ANO10: variants seen among roughly 807,000 people sequenced by gnomAD.
The protein encoded by ANO10 is anoctamin 10.
In ANO10, 77 loss-of-function variants were observed where a neutral mutation model predicts 74.7. That is an observed-to-expected ratio of 1.03 (90% CI 0.86 to 1.25). The LOEUF (loss-of-function observed/expected upper bound fraction) is 1.25, where lower values mean the gene tolerates loss of function less well. ANO10 is among the 50% of genes most tolerant of loss of function. ANO10 has a pLI of 0.00. For missense variants in ANO10, 721 were observed against 778.1 expected (o/e 0.93, Z 0.87); for synonymous variants, 279 against 284.9 (o/e 0.98, Z 0.21).
chr3:43,661,811 G>A (rs1196681644), intron 1 of ANO10, among the ~76,000 whole-genome samples: 1 of 152,174 alleles, frequency 6.6e-6, no homozygotes, highest in Non-Finnish European at 1.5e-5. Context: ...GACAAAGAAG[G>A]CCATTACATA....
At chr3:43,667,540 G>C (rs557850504) in intron 1 of ANO10, among the ~76,000 whole-genome samples, 15 of 152,162 alleles carry the variant, frequency 9.9e-5, no homozygotes, top group African/African-American at 3.4e-4. Flanking sequence ...CTCGCCACCT[G>C]AGCAGTATAC....
chr3:43,483,039 A>G (rs1487516797), intron 11 of ANO10, among the ~76,000 whole-genome samples: 1 of 152,188 alleles, frequency 6.6e-6, no homozygotes, highest in African/African-American at 2.4e-5. Flanking sequence ...AAAAGATTCA[A>G]TTTTTGGTCA....
In ANO10 at chr3:43,531,921, C is replaced by T. The variant is rs934225714; in HGVS notation, c.1797+17799G>A. On this transcript the variant is annotated intron_variant, in intron 11 of 12. Transcript: ENST00000292246. ...GTCTCAAAAAAAAAAAAACAAAACCCATAGTCATGAAAGAGCCAAGAGCAT... is the reference window on the plus strand; with the variant it reads ...GTCTCAAAAAAAAAAAAACAAAACCTATAGTCATGAAAGAGCCAAGAGCAT... 3.9e-5 allele frequency among the ~76,000 whole-genome samples: 6 copies of T among 151,934 alleles called. No individual in the cohort carries two copies. In the South Asian group the frequency reaches 1.2e-3, roughly 32 times the overall value.
intron 11 of ANO10, among the ~76,000 whole-genome samples, chr3:43,435,260 G>A (rs755676601): frequency 1.3e-5 from 2 of 152,186 alleles, no homozygotes; most frequent in South Asian, 2.1e-4. Context: ...TGTAATCCCA[G>A]CACTTTGAGA....
intron 1 of ANO10, among the ~76,000 whole-genome samples, chr3:43,649,243 G>C (rs1180981957): frequency 2.0e-5 from 3 of 152,160 alleles, no homozygotes; most frequent in Non-Finnish European, 2.9e-5. Context: ...CTTTACATTT[G>C]ACTTTACTCT....
intron 7 of ANO10, among the ~76,000 whole-genome samples, chr3:43,567,763 A>C (rs1053934776): frequency 1.3e-5 from 2 of 152,256 alleles, no homozygotes; most frequent in Admixed American, 6.5e-5. Flanking sequence ...GACTAGGAAG[A>C]AACTGCATCA....
rs544899805 is a variant in ANO10, at chr3:43,678,054, T to C, written c.-12+13463A>G. Among the ~76,000 whole-genome samples, 74 of 152,280 alleles carry C rather than the reference T, an allele frequency of 4.9e-4. 1 individual carries two copies. The highest frequency in any genetic ancestry group is 1.7e-3 in the African/African-American group (71 of 41,556). On this transcript the variant is annotated intron_variant, in intron 1 of 3. Coordinates refer to the ANO10 transcript ENST00000413397. ...TGATAAACCCACTGTAAGTTGAAAA[T>C]ACTGTTAAATTCCAAGTGCATTTAA...
At chr3:43,679,474 C>G (rs1316434418) in intron 1 of ANO10, among the ~76,000 whole-genome samples, 1 of 152,196 alleles carries the variant, frequency 6.6e-6, no homozygotes, top group East Asian at 1.9e-4. Flanking sequence ...CACCACAGCT[C>G]AAGGAAGCCT....
chr3:43,691,344 C>A lies in ANO10; in HGVS notation c.-12+173G>T, dbSNP rs1409859542. 7 of 250,440 alleles carry A rather than the reference C, an allele frequency of 2.8e-5. No homozygotes were observed. The East Asian group carries it at 5.3e-4, about 19-fold the overall frequency. 15.5% of individuals were successfully genotyped at this position (250,440 alleles called of 1,614,324 possible). A position where few individuals can be genotyped will look rare whatever the true frequency, so the allele number is the denominator to read the frequency against. The stretch of plus-strand genomic sequence containing the variant: ...GTTGTTGTATAAGCCACCCCGCGGG[C>A]CGGCGACGGAGCTGGCCGCGGCGGC... On this transcript the variant is annotated intron_variant, in intron 1 of 3. Transcript: ENST00000413397.
intron 1 of ANO10, among the ~76,000 whole-genome samples, chr3:43,608,058 C>T (rs1245955693): frequency 6.6e-6 from 1 of 152,108 alleles, no homozygotes; most frequent in Non-Finnish European, 1.5e-5. Context: ...TCTGAAGAGA[C>T]TGACCAAGAA....
chr3:43,492,189 A>G (rs2076748980), intron 11 of ANO10, among the ~76,000 whole-genome samples: 1 of 152,326 alleles, frequency 6.6e-6, no homozygotes, highest in East Asian at 1.9e-4. Context: ...AGCAGTGGAG[A>G]AAAGATTCCC....
intron 4 of ANO10, among the ~76,000 whole-genome samples, chr3:43,584,681 T>G (rs1012879755): frequency 6.6e-6 from 1 of 152,278 alleles, no homozygotes; most frequent in South Asian, 2.1e-4. Flanking sequence ...TTTGGCATAG[T>G]CATGGACCTA....
intron 11 of ANO10, among the ~76,000 whole-genome samples, chr3:43,444,885 A>T (rs1457719395): frequency 6.6e-6 from 1 of 152,160 alleles, no homozygotes; most frequent in Non-Finnish European, 1.5e-5. Flanking sequence ...AGATGCTGGG[A>T]GGCCAAGGCG....
intron 1 of ANO10, chr3:43,690,060 C>CT (rs544735533): frequency 0.028 from 3,957 of 142,386 alleles, 163 homozygotes; most frequent in African/African-American, 0.088. Flanking sequence ...TAAACATAGA[C>CT]TTTTTTTTTT....
chr3:43,416,705 C>G (rs1251466405), intron 12 of ANO10, among the ~76,000 whole-genome samples: 1 of 152,162 alleles, frequency 6.6e-6, no homozygotes, highest in South Asian at 2.1e-4. Flanking sequence ...ACCCAGAAAA[C>G]ATGACATAGT....
intron 12 of ANO10, among the ~76,000 whole-genome samples, chr3:43,400,510 C>T (rs1051381775): frequency 1.3e-5 from 2 of 152,104 alleles, no homozygotes; most frequent in African/African-American, 2.4e-5. Context: ...CATGGTGGCT[C>T]ATACCTATAT....
intron 1 of ANO10, among the ~76,000 whole-genome samples, chr3:43,687,527 A>G (rs2149585146): frequency 6.6e-6 from 1 of 152,284 alleles, no homozygotes; most frequent in East Asian, 1.9e-4. Context: ...TCTTGGTGGG[A>G]CAATGGCAGC....
chr3:43,520,216 T>C (rs897656911), intron 11 of ANO10, among the ~76,000 whole-genome samples: 1 of 152,214 alleles, frequency 6.6e-6, no homozygotes, highest in African/African-American at 2.4e-5. Context: ...TTTTAGGTCA[T>C]TAATCCAGTT....
chr3:43,375,727 C>A (rs1203613518), intron 12 of ANO10, among the ~76,000 whole-genome samples: 21 of 152,296 alleles, frequency 1.4e-4, no homozygotes, highest in Admixed American at 1.2e-3. Context: ...ACTCCCTGGA[C>A]TCCAGAGTCA....
Sources: gnomAD v4.1 joint callset for allele counts (sites outside exome capture counted in the v4.1 genomes callset) on GRCh38, gnomAD v4.1.1 for gene constraint, MANE v1.5 for transcripts, NCBI Gene and HGNC (gene_info 2026-07-23, HGNC 2026-07-21) for gene names.